The following RRM2 variants were observed in gnomAD, a reference collection of about 807,000 sequenced individuals.
RRM2 encodes the protein ribonucleotide reductase regulatory subunit M2.
RRM2 carries 6 observed loss-of-function variants against 45.9 expected under a neutral mutation model. The observed-to-expected ratio is 0.13, with a 90% CI of 0.07 to 0.26. The LOEUF is 0.26. Ranked by LOEUF, RRM2 falls within the 10% of genes least tolerant of loss-of-function variation. RRM2 has a pLI of 1.00. For synonymous variants in RRM2, 177 were observed against 173.0 expected (o/e 1.02, Z -0.18); for missense variants, 343 against 489.5 (o/e 0.70, Z 2.82).
At chr2:10,161,491 A>T (rs13389178) in intron 3 of RRM2, among the ~76,000 whole-genome samples, 11,294 of 152,192 alleles carry the variant, frequency 0.074, 514 homozygotes, top group African/African-American at 0.14. Flanking sequence ...TCACGTGGCA[A>T]CCTGGACCAG....
chr2:10,152,305 T>C (rs979140191), intron 3 of RRM2, among the ~76,000 whole-genome samples: 1 of 152,184 alleles, frequency 6.6e-6, no homozygotes, highest in African/African-American at 2.4e-5. Context: ...CAGCTCTTTA[T>C]TCTAGTTACA....
At chr2:10,157,725 C>T (rs1431756953) in intron 3 of RRM2, among the ~76,000 whole-genome samples, 1 of 152,170 alleles carries the variant, frequency 6.6e-6, no homozygotes, top group Non-Finnish European at 1.5e-5. Flanking sequence ...GTTCATTCTA[C>T]CCCTGATTGG....
chr2:10,170,827 T>C (rs1257598528), intron 3 of RRM2, among the ~76,000 whole-genome samples: 1 of 152,130 alleles, frequency 6.6e-6, no homozygotes, highest in East Asian at 1.9e-4. Flanking sequence ...CCACAGCCCT[T>C]TGAGAGCACA....
upstream of RRM2, among the ~76,000 whole-genome samples, chr2:10,138,955 A>C: frequency 6.6e-6 from 1 of 152,140 alleles, no homozygotes; most frequent in East Asian, 1.9e-4. Flanking sequence ...TAAGAATACA[A>C]AAATTAGCCG....
At chr2:10,123,572 C>T in intron 3 of RRM2, 42 bp downstream of exon 3, 1 of 1,580,184 alleles carries the variant, frequency 6.3e-7, no homozygotes, top group Non-Finnish European at 8.6e-7. Flanking sequence ...GGGTGACCGT[C>T]ACGCCTCAGA....
In RRM2 at chr2:10,203,620, G is replaced by A. The variant is rs145622409; in HGVS notation, n.483-6691G>A. On this transcript the variant is annotated intron_variant and non_coding_transcript_variant, in intron 3 of 3. Coordinates refer to the RRM2 transcript ENST00000381786. ...ACAAAACTTAGCCAGGCGTGGTGGT[G>A]CAAGCCTGTAATTGCAGCTACTCGG... Among the ~76,000 whole-genome samples, 4 of 152,238 alleles carry A rather than the reference G, an allele frequency of 2.6e-5. No individual in the cohort carries two copies. In the East Asian group the frequency reaches 7.7e-4, roughly 29 times the overall value.
chr2:10,131,066 TTTA>T lies in RRM2; in HGVS notation c.*1683_*1685del, dbSNP rs1217845952. 2.6e-5 allele frequency: 4 copies of T among 152,214 alleles called. 1 individual carries two copies. The highest frequency in any genetic ancestry group is 9.6e-5 in the African/African-American group (4 of 41,454). The allele number at this position is 152,214 out of a possible 1,614,324, so 9.4% of individuals were successfully genotyped here. A position where few individuals can be genotyped will look rare whatever the true frequency, so the allele number is the denominator to read the frequency against. Reference sequence around the variant, plus strand: ...TATTCAGTATTTGAACGTCGTCCTGTTTATTGTTAGTTTTCTTCATCATTTATT... The same window carrying T: ...TATTCAGTATTTGAACGTCGTCCTGTTTGTTAGTTTTCTTCATCATTTATT... On this transcript the variant is annotated 3_prime_UTR_variant, in exon 10 of 10. Coordinates refer to ENST00000304567, the MANE Select transcript of RRM2 (RefSeq NM_001034.4).
Position 10,178,144 on chromosome 2 carries a change from T to C in RRM2, n.483-32167T>C, listed in dbSNP as rs542528661. On this transcript the variant is annotated intron_variant and non_coding_transcript_variant, in intron 3 of 3. Transcript: ENST00000381786. ...GGTTTCACCGTGTTAGCCAGGATGG[T>C]CTCAATCTCCTGACCTCGTGATCTG... Among the ~76,000 whole-genome samples, 16 of 151,462 alleles carry C rather than the reference T, an allele frequency of 1.1e-4. No homozygotes were observed. In the South Asian group the frequency reaches 2.1e-3, roughly 20 times the overall value.
At chr2:10,175,658 C>T (rs6745469) in intron 3 of RRM2, among the ~76,000 whole-genome samples, 3,830 of 152,268 alleles carry the variant, frequency 0.025, 169 homozygotes, top group African/African-American at 0.087. Flanking sequence ...AGTGCAGTGG[C>T]GCAATCTCGG....
chr2:10,133,914 C>T (rs186238178), downstream of RRM2, among the ~76,000 whole-genome samples: 871 of 152,034 alleles, frequency 5.7e-3, 5 homozygotes, highest in African/African-American at 0.02. Flanking sequence ...CATGGTGGCT[C>T]GCGCCTGTAA....
intron 3 of RRM2, among the ~76,000 whole-genome samples, chr2:10,147,418 A>G (rs1298991369): frequency 6.6e-6 from 1 of 152,054 alleles, no homozygotes; most frequent in African/African-American, 2.4e-5. Context: ...ATCAGGGACT[A>G]CAGGCATGCA....
intron 2 of RRM2, 120 bp downstream of exon 2, chr2:10,123,177 C>T (rs1431485947): frequency 5.3e-6 from 7 of 1,332,524 alleles, no homozygotes; most frequent in Middle Eastern, 2.7e-4. Context: ...CCTAGGCGGC[C>T]CCTCCCCAGG....
At chr2:10,181,271 C>T (rs1186807296) in intron 3 of RRM2, among the ~76,000 whole-genome samples, 1 of 152,176 alleles carries the variant, frequency 6.6e-6, no homozygotes, top group Non-Finnish European at 1.5e-5. Context: ...CAAAGACATG[C>T]AGCTAGCAAG....
rs1249227506 is a variant in RRM2, at chr2:10,204,772, GC to G, written n.483-5537del. ...TACTTAGTCTGTGGCTGGGAGCCAA[GC>G]CTCAGGGTCCCTTTTCCTCTTCCAA... On this transcript the variant is annotated intron_variant and non_coding_transcript_variant, in intron 3 of 3. Transcript: ENST00000381786. This position sits in a 1 kb window ranked among gnomAD's most constrained non-coding sequence, Gnocchi z 4.0. Among the ~76,000 whole-genome samples, 1 of 152,250 alleles carries G rather than the reference GC, an allele frequency of 6.6e-6. No homozygotes were observed. Among genetic ancestry groups the G allele is most frequent in the Non-Finnish European group, 1.5e-5 (1 of 68,056 alleles).
intron 3 of RRM2, among the ~76,000 whole-genome samples, chr2:10,180,892 G>A (rs1046283175): frequency 2.0e-5 from 3 of 152,014 alleles, no homozygotes; most frequent in Admixed American, 1.3e-4. Context: ...TCTGCCTCCC[G>A]AGTAGTTAGG....
chr2:10,138,054 G>A (rs180889377), upstream of RRM2, among the ~76,000 whole-genome samples: 238 of 152,242 alleles, frequency 1.6e-3, no homozygotes, highest in Admixed American at 3.0e-3. Context: ...AGGCTGGAGT[G>A]CAGTGACGTG....
chr2:10,125,586 T>C (rs948103628), intron 5 of RRM2, among the ~76,000 whole-genome samples: 2 of 152,000 alleles, frequency 1.3e-5, no homozygotes, highest in Admixed American at 1.3e-4. Flanking sequence ...CCCAGCTGCT[T>C]GGGAGGCTGA....
chr2:10,134,695 C>T (rs540170878), downstream of RRM2, among the ~76,000 whole-genome samples: 8 of 152,312 alleles, frequency 5.3e-5, no homozygotes, highest in East Asian at 9.6e-4. Flanking sequence ...TGGGATACAG[C>T]ATAACTACTA....
In RRM2 at chr2:10,201,394, T is replaced by C. The variant is rs116360735; in HGVS notation, n.483-8917T>C. Among the ~76,000 whole-genome samples the C allele has an allele frequency of 8.2e-3, 1,255 of 152,210 alleles. 17 individuals are homozygous for C. The highest frequency in any genetic ancestry group is 0.029 in the African/African-American group (1,204 of 41,504). ...AAAGCAAACAAAGGACCAACAATAT[T>C]CCGAGCAAAACATCAAAAAGATCAC... On this transcript the variant is annotated intron_variant and non_coding_transcript_variant, in intron 3 of 3. Transcript: ENST00000381786.
Sources: gnomAD v4.1 joint callset for allele counts (sites outside exome capture counted in the v4.1 genomes callset) on GRCh38, gnomAD v4.1.1 for gene constraint, Gnocchi (gnomAD v3.1) non-coding constraint, MANE v1.5 for transcripts, NCBI Gene and HGNC (gene_info 2026-07-23, HGNC 2026-07-21) for gene names.